Variants in FAM20C observed in about 807,000 individuals in gnomAD.
FAM20C encodes FAM20C golgi associated secretory pathway kinase.
FAM20C carries 40 observed loss-of-function variants against 51.5 expected under a neutral mutation model. The observed-to-expected ratio is 0.78, with a 90% CI of 0.60 to 1.01. The LOEUF is 1.01. FAM20C is among the 50% of genes least tolerant of loss of function. FAM20C has a pLI of 0.00. For synonymous variants in FAM20C, 406 were observed against 380.6 expected (o/e 1.07, Z -0.78); for missense variants, 861 against 844.7 (o/e 1.02, Z -0.24).
chr7:232,850 G>A (rs1787741090), intron 3 of FAM20C, among the ~76,000 whole-genome samples: 1 of 152,228 alleles, frequency 6.6e-6, no homozygotes, highest in African/African-American at 2.4e-5. Context: ...TTGTTAAGGA[G>A]CCCTGGATTT....
rs185136915 is a variant in FAM20C, at chr7:194,733, G to C, written c.606-821G>C. Among the ~76,000 whole-genome samples the C allele has an allele frequency of 3.4e-4, 52 of 152,174 alleles. No individual in the cohort carries two copies. The East Asian group carries it at 8.7e-3, about 26-fold the overall frequency. Reference sequence around the variant, plus strand: ...GCTGTGGCTCTCGGCAGGGAGAGACGGCCGCCCAGAGCAGCGAGTGGCCAG... The same window carrying C: ...GCTGTGGCTCTCGGCAGGGAGAGACCGCCGCCCAGAGCAGCGAGTGGCCAG... On this transcript the variant is annotated intron_variant, in intron 1 of 9. Coordinates refer to ENST00000313766, the MANE Select transcript of FAM20C (RefSeq NM_020223.4).
At chr7:220,190 G>A (rs746914984) in intron 3 of FAM20C, among the ~76,000 whole-genome samples, 29 of 152,198 alleles carry the variant, frequency 1.9e-4, no homozygotes, top group Non-Finnish European at 3.7e-4. Flanking sequence ...CCTGTGCCCA[G>A]AGCTGCTGGC....
chr7:200,418 G>A (rs1383724983), intron 2 of FAM20C, among the ~76,000 whole-genome samples: 2 of 152,206 alleles, frequency 1.3e-5, no homozygotes, highest in African/African-American at 4.8e-5. Context: ...TGGAGGAGGC[G>A]GCAAATAGCT....
chr7:231,417 G>A (rs1787673357), intron 3 of FAM20C, among the ~76,000 whole-genome samples: 1 of 151,676 alleles, frequency 6.6e-6, no homozygotes, highest in Admixed American at 6.6e-5. Context: ...AGGGCCGCGT[G>A]GGAGGAGGGT....
chr7:230,399 G>T lies in FAM20C; in HGVS notation c.864-16016G>T, dbSNP rs1015650104. Among the ~76,000 whole-genome samples, 10 of 130,724 alleles carry T rather than the reference G, an allele frequency of 7.6e-5. No homozygotes were observed. The Admixed American group carries it at 7.8e-4, about 10-fold the overall frequency. 85.8% of individuals were successfully genotyped at this position (130,724 alleles called of 152,430 possible). A position where few individuals can be genotyped will look rare whatever the true frequency, so the allele number is the denominator to read the frequency against. ...GGGGGGGGGGGGAACAGATCCCCGT[G>T]GCTTAAAGTGCCCCTGTCTGTGGTT... On this transcript the variant is annotated intron_variant, in intron 3 of 9. Coordinates refer to ENST00000313766, the MANE Select transcript of FAM20C (RefSeq NM_020223.4).
At chr7:203,447 G>T (rs1033522406) in intron 2 of FAM20C, among the ~76,000 whole-genome samples, 4 of 152,322 alleles carry the variant, frequency 2.6e-5, no homozygotes, top group African/African-American at 9.6e-5. Flanking sequence ...GAGGGCAGGG[G>T]TGACCCGATC....
At chr7:219,837 G>A (rs1389552730) in intron 3 of FAM20C, among the ~76,000 whole-genome samples, 2 of 152,206 alleles carry the variant, frequency 1.3e-5, no homozygotes, top group African/African-American at 2.4e-5. Flanking sequence ...TTGGAATTTC[G>A]AAGGATTTTC....
chr7:228,408 G>A, intron 3 of FAM20C: 1 of 454,084 alleles, frequency 2.2e-6, no homozygotes, highest in South Asian at 1.6e-5. Flanking sequence ...AGGCCCCTCT[G>A]CTGGGTTGAG....
At chr7:193,883 A>G in intron 1 of FAM20C, 79 bp downstream of exon 1, 1 of 1,470,892 alleles carries the variant, frequency 6.8e-7, no homozygotes. Flanking sequence ...CAGGGGCCCC[A>G]GAGGGCCGCC....
rs1339933210 is a variant in FAM20C at position 259,855 on chromosome 7, G to A, written c.1630G>A (p.Glu544Lys). Residue 544 changes from glutamate to lysine, a missense_variant, in exon 10 of 10, where the codon GAG becomes AAG. By Grantham distance (56) the Glu-to-Lys change is moderately conservative. This residue lies in a region of FAM20C where 269 missense variants were observed against 283.8 expected (regional missense o/e 0.95). Transcript: ENST00000313766. ...VAPVLYQPHL[E>K]ALDRRLRVVL... ...ACCCGTGCTGTACCAGCCGCACCTG[G>A]AGGCCCTGGACCGGCGGCTCCGCGT... 2.0e-6 allele frequency: 3 copies of A among 1,536,472 alleles called. No homozygotes were observed. Among genetic ancestry groups the A allele is most frequent in the African/African-American group, 2.7e-5 (2 of 73,186 alleles).
At chr7:246,654 G>T (rs1222329222) in intron 4 of FAM20C, 147 bp downstream of exon 4, 1 of 444,188 alleles carries the variant, frequency 2.3e-6, no homozygotes, top group Non-Finnish European at 4.0e-6. Context: ...CCCCCACCCC[G>T]AGTGCTGCCC....
At chr7:199,761 T>C (rs1258782991) in intron 2 of FAM20C, among the ~76,000 whole-genome samples, 1 of 152,210 alleles carries the variant, frequency 6.6e-6, no homozygotes, top group African/African-American at 2.4e-5. Context: ...GGATATTATC[T>C]ACCTCTATTC....
intron 5 of FAM20C, among the ~76,000 whole-genome samples, chr7:253,790 C>T (rs1343267513): frequency 1.3e-5 from 2 of 152,192 alleles, no homozygotes; most frequent in East Asian, 3.9e-4. Flanking sequence ...GCTGTGGGCC[C>T]GAGAAATGCC....
chr7:207,693 G>A (rs907384113), intron 2 of FAM20C, among the ~76,000 whole-genome samples: 3 of 152,202 alleles, frequency 2.0e-5, no homozygotes, highest in East Asian at 1.9e-4. Context: ...GTGTGGCCCC[G>A]TGAGGCCCCC....
rs544184004 is a variant in FAM20C at position 214,191 on chromosome 7, G to A, written c.863+5215G>A. Among the ~76,000 whole-genome samples the A allele has an allele frequency of 8.5e-5, 13 of 152,198 alleles. No homozygotes were observed. In the East Asian group the frequency reaches 2.5e-3, roughly 29 times the overall value. On this transcript the variant is annotated intron_variant, in intron 3 of 9. Transcript: ENST00000313766. ...AAGTACAAAATTAGCTGGGCGTGGT[G>A]ATGCATGCCTGTAATCCCAGCTACT...
At chr7:246,367 A>C (rs1422089442) in intron 3 of FAM20C, 48 bp from the exon 4 acceptor site, 2 of 1,481,494 alleles carry the variant, frequency 1.3e-6, no homozygotes, top group Non-Finnish European at 1.8e-6. Context: ...CGGCCCCTGG[A>C]GGCTTTCTCA....
intron 5 of FAM20C, among the ~76,000 whole-genome samples, chr7:254,265 C>T (rs560224968): frequency 3.3e-5 from 5 of 152,322 alleles, no homozygotes; most frequent in African/African-American, 7.2e-5. Context: ...AGCGCCCTGC[C>T]GAACCTGCCT....
rs867275674 is a variant in FAM20C at position 193,215 on chromosome 7, G to C, written c.16G>C (p.Val6Leu). 1.4e-6 allele frequency: 2 copies of C among 1,460,010 alleles called. No homozygotes were observed. The highest frequency in any genetic ancestry group is 1.8e-6 in the Non-Finnish European group (2 of 1,100,716). The allele number at this position is 1,460,010 out of a possible 1,614,324, so 90.4% of individuals were successfully genotyped here. ...CCGCGCGGCCATGAAGATGATGCTG[G>C]TGCGCCGGTTCCGCGTGCTCATCCT... MKMML[V>L]RRFRVLILMV... The change falls in exon 1 of 10, where the codon GTG (valine) becomes CTG (leucine). Residue 6 changes from valine (V) to leucine (L), a missense_variant. Around this residue, in one of 3 missense-constraint regions of FAM20C, gnomAD observed 561 missense variants for 499.8 expected, o/e 1.12. Transcript: ENST00000313766.
chr7:256,939 C>G (rs1788612580), intron 7 of FAM20C, 66 bp from the exon 8 acceptor site: 1 of 1,502,540 alleles, frequency 6.7e-7, no homozygotes, highest in Non-Finnish European at 9.0e-7. Context: ...CTGCAGAGCA[C>G]AGAGGCCTCT....
Sources: allele counts gnomAD v4.1 joint callset (sites outside exome capture counted in the v4.1 genomes callset), GRCh38; gene constraint gnomAD v4.1.1; regional missense constraint gnomAD v4.1.1; transcripts MANE v1.5; gene names NCBI Gene and HGNC (gene_info 2026-07-23, HGNC 2026-07-21).